EZH2: variants seen among roughly 807,000 people sequenced by gnomAD.
EZH2 encodes histone-lysine N-methyltransferase EZH2.
Under a neutral mutation model 98.4 loss-of-function variants are expected in EZH2, and 18 were observed. The observed-to-expected ratio is 0.18, with a 90% CI of 0.13 to 0.27. The LOEUF is 0.27. Ranked by LOEUF, EZH2 falls within the 10% of genes least tolerant of loss-of-function variation. EZH2 has a pLI of 1.00. For synonymous variants in EZH2, 338 were observed against 312.3 expected, an observed-to-expected ratio of 1.08 and a Z score of -0.87; for missense variants, 470 against 935.1, an observed-to-expected ratio of 0.50 and a Z score of 6.49.
At chr7:148,842,927 G>A (rs896562095) in intron 3 of EZH2, among the ~76,000 whole-genome samples, 4 of 152,010 alleles carry the variant, frequency 2.6e-5, no homozygotes, top group East Asian at 1.9e-4. Flanking sequence ...AAATTAGCCC[G>A]ATGTGCTCGG....
chr7:148,815,657 C>G (rs1351853293), intron 12 of EZH2, 111 bp from the exon 13 acceptor site: 1 of 962,454 alleles, frequency 1.0e-6, no homozygotes, highest in African/African-American at 1.6e-5. Flanking sequence ...TGCGTTAAAG[C>G]CAAGAGTCAT....
At chr7:148,807,740 G>A (rs763274190) in intron 19 of EZH2, 34 bp from the exon 20 acceptor site, 1 of 1,496,450 alleles carries the variant, frequency 6.7e-7, no homozygotes, top group Non-Finnish European at 9.0e-7. Flanking sequence ...CCGCTGGATG[G>A]CCACCCATCC....
chr7:148,883,256 G>C (rs1460450656), intron 1 of EZH2: 1 of 152,224 alleles, frequency 6.6e-6, no homozygotes, highest in African/African-American at 2.4e-5. Flanking sequence ...CTTTCAAAAA[G>C]TAACCCTGTG....
intron 3 of EZH2, among the ~76,000 whole-genome samples, chr7:148,842,155 G>A (rs1448671108): frequency 6.6e-6 from 1 of 152,114 alleles, no homozygotes; most frequent in African/African-American, 2.4e-5. Flanking sequence ...ATCTAGAAAT[G>A]TATATTGGCA....
At chr7:148,827,288 G>T in intron 6 of EZH2, 22 bp from the exon 7 acceptor site, 4 of 1,559,140 alleles carry the variant, frequency 2.6e-6, no homozygotes, top group Non-Finnish European at 3.5e-6. Flanking sequence ...AATATGAAAG[G>T]AAAAAAAGAA....
At chr7:148,843,229 T>G (rs1345351300) in intron 3 of EZH2, among the ~76,000 whole-genome samples, 1 of 142,908 alleles carries the variant, frequency 7.0e-6, no homozygotes, top group Non-Finnish European at 1.5e-5. Context: ...AAAAAAAAAA[T>G]TAGCCCGATG....
chr7:148,842,461 G>A (rs1203678463), intron 3 of EZH2, among the ~76,000 whole-genome samples: 2 of 152,152 alleles, frequency 1.3e-5, no homozygotes, highest in Non-Finnish European at 2.9e-5. Context: ...GTTATTACTG[G>A]TTGACAAGAC....
intron 1 of EZH2, among the ~76,000 whole-genome samples, chr7:148,872,236 A>AG (rs1168558885): frequency 6.6e-6 from 1 of 152,244 alleles, no homozygotes; most frequent in Non-Finnish European, 1.5e-5. Context: ...CTAATCACAA[A>AG]GGGGCAAATA....
At chr7:148,816,809 G>T in intron 11 of EZH2, 31 bp from the exon 12 acceptor site, 2 of 1,542,616 alleles carry the variant, frequency 1.3e-6, no homozygotes, top group Non-Finnish European at 1.8e-6. Flanking sequence ...AGAGCCATGA[G>T]GACAGTCTTA....
intron 8 of EZH2, 128 bp from the exon 9 acceptor site, chr7:148,819,815 T>A (rs1163218827): frequency 1.2e-5 from 9 of 743,734 alleles, no homozygotes; most frequent in Non-Finnish European, 1.7e-5. Context: ...CGTTACTTCA[T>A]ACAACTTTCC....
chr7:148,811,917 A>G (rs1243080323), intron 15 of EZH2, 197 bp from the exon 16 acceptor site: 8 of 537,660 alleles, frequency 1.5e-5, no homozygotes, highest in Non-Finnish European at 2.7e-5. Flanking sequence ...TTTTCCTTAT[A>G]CAGCAGATAA....
intron 8 of EZH2, among the ~76,000 whole-genome samples, chr7:148,825,983 T>C (rs1213890803): frequency 6.6e-6 from 1 of 152,160 alleles, no homozygotes; most frequent in African/African-American, 2.4e-5. Flanking sequence ...GTTTTACTTG[T>C]ATTCAAATGC....
intron 1 of EZH2, chr7:148,883,102 T>C (rs1006389437): frequency 6.6e-6 from 1 of 152,228 alleles, no homozygotes; most frequent in Non-Finnish European, 1.5e-5. Context: ...TTGATTTCGT[T>C]AGCACCTGTC....
chr7:148,832,238 A>G (rs1809587419), intron 4 of EZH2, among the ~76,000 whole-genome samples: 1 of 152,082 alleles, frequency 6.6e-6, no homozygotes, highest in Admixed American at 6.6e-5. Context: ...GACATGCGCC[A>G]CACCCAGCTA....
chr7:148,873,557 ATTTTTTTTT>A (rs58553084), intron 1 of EZH2, among the ~76,000 whole-genome samples: 19 of 79,954 alleles, frequency 2.4e-4, no homozygotes, highest in African/African-American at 5.0e-4. Context: ...CATGCTCTTC[ATTTTTTTTT>A]TTTTTTTTTT....
Position 148,826,569 on chromosome 7 carries a change from T to G in EZH2, c.792A>C (p.Ile264=), listed in dbSNP as rs1807771501. ...GAACAGATTTAGCATTTGGTCCATC[T>G]ATGTTGGGGGTACATTCAGGAGGAA... ...GALPPECTPN[I]DGPNAKSVQR... is the part of the protein sequence containing the mutation. The change falls in exon 8 of 20, where the codon ATA becomes ATC. Residue 264 remains isoleucine (I), a synonymous_variant. Transcript: ENST00000320356. The G allele has an allele frequency of 1.9e-6, 3 of 1,589,672 alleles. No individual in the cohort carries two copies. The highest frequency in any genetic ancestry group is 1.7e-5 in the Admixed American group (1 of 58,692).
In EZH2 at chr7:148,814,152, T is replaced by G; in HGVS notation, c.1673-15A>C. 1 of 1,611,270 alleles carries G rather than the reference T, an allele frequency of 6.2e-7. No individual in the cohort carries two copies. Among genetic ancestry groups the G allele is most frequent in the Non-Finnish European group, 8.5e-7 (1 of 1,178,648 alleles). On this transcript the variant is annotated splice_polypyrimidine_tract_variant and intron_variant, in intron 14 of 19. Coordinates refer to ENST00000320356, the MANE Select transcript of EZH2 (RefSeq NM_004456.5). ...GCGGTTTTGACCTTCAGAGAGAGGTTTGGAGGTTCTTCACTCATCACCGTA... is the reference window on the plus strand; with the variant it reads ...GCGGTTTTGACCTTCAGAGAGAGGTGTGGAGGTTCTTCACTCATCACCGTA...
At chr7:148,854,797 TGTTA>T (rs1407718504) in intron 1 of EZH2, among the ~76,000 whole-genome samples, 3 of 152,268 alleles carry the variant, frequency 2.0e-5, no homozygotes, top group African/African-American at 7.2e-5. Context: ...TGAAGGCAGC[TGTTA>T]GTATCATTTG....
intron 14 of EZH2, 63 bp from the exon 15 acceptor site, chr7:148,814,200 C>A (rs569749016): frequency 6.6e-7 from 1 of 1,504,396 alleles, no homozygotes; most frequent in East Asian, 2.3e-5. Context: ...CAGAAAGATA[C>A]GTGGCAAGGG....
Sources: allele counts gnomAD v4.1 joint callset (sites outside exome capture counted in the v4.1 genomes callset), GRCh38; gene constraint gnomAD v4.1.1; transcripts MANE v1.5; gene names NCBI Gene and HGNC (gene_info 2026-07-23, HGNC 2026-07-21).